The following CEP250 variants were observed in gnomAD, a reference collection of about 807,000 sequenced individuals.
The protein encoded by CEP250 is centrosomal protein 250.
Under a neutral mutation model 315.7 loss-of-function variants are expected in CEP250, and 242 were observed. The ratio of observed to expected loss-of-function variants is 0.77; its 90% confidence interval spans 0.69 to 0.85. CEP250 has a LOEUF of 0.85. Ranked by LOEUF, CEP250 falls within the 40% of genes least tolerant of loss-of-function variation. The probability of loss-of-function intolerance (pLI) is 0.00; values close to 1 mark genes in which losing one functional copy is unlikely to be tolerated. For missense variants in CEP250, 2,515 were observed against 2,886.4 expected, an observed-to-expected ratio of 0.87 and a Z score of 2.95; for synonymous variants, 1,088 against 1,175.0, an observed-to-expected ratio of 0.93 and a Z score of 1.51.
Position 35,504,507 on chromosome 20 carries a change from G to A in CEP250, c.6138G>A (p.Gln2046=). The part of the protein sequence containing the change: ...DVQQLQQALA[Q]RDEELRHQQE... ...AGCAGCTGCAGCAGGCACTTGCCCA[G>A]AGGGATGAAGAGCTGAGACATCAGC... Residue 2046 remains glutamine, a synonymous_variant, in exon 30 of 35, where the codon CAG becomes CAA. Transcript: ENST00000397527. The A allele has an allele frequency of 6.2e-7, 1 of 1,613,896 alleles. No individual in the cohort carries two copies. Among genetic ancestry groups the A allele is most frequent in the Non-Finnish European group, 8.5e-7 (1 of 1,179,890 alleles).
chr20:35,460,727 T>C (rs976003961), intron 3 of CEP250, among the ~76,000 whole-genome samples: 5 of 152,210 alleles, frequency 3.3e-5, no homozygotes, highest in Non-Finnish European at 7.3e-5. Flanking sequence ...GGCACCTAAT[T>C]TGAATTCTTA....
At position 35,503,281 on chromosome 20, in the gene CEP250, C is replaced by A; in HGVS notation, c.4912C>A (p.Gln1638Lys). Residue 1638 changes from glutamine (Q) to lysine (K), a missense_variant, in exon 30 of 35, where the codon CAG becomes AAG. By Grantham distance (53) the Gln-to-Lys change is moderately conservative (BLOSUM62 1). Coordinates refer to ENST00000397527, the MANE Select transcript of CEP250 (RefSeq NM_007186.6). The surrounding 1 kb of genome is among the most constrained non-coding windows in gnomAD (Gnocchi z 4.2). Reference protein sequence around the residue: ...RDQEVKSQREQIEELQRQKEH... With the variant: ...RDQEVKSQREKIEELQRQKEH... ...CCAGGAGGTGAAGTCTCAGCGAGAA[C>A]AGATCGAGGAGCTGCAGAGGCAGAA... 1 of 1,614,102 alleles carries A rather than the reference C, an allele frequency of 6.2e-7. No homozygotes were observed.
chr20:35,501,985 C>T lies in CEP250; in HGVS notation c.4020+19C>T. ...AGCCCAGGTAAAGTGGTACTGGTTT[C>T]AGGGAGGGGTTTGCCTCAGGAGTAG... On this transcript the variant is annotated intron_variant, in intron 29 of 34. Coordinates refer to ENST00000397527, the MANE Select transcript of CEP250 (RefSeq NM_007186.6). The T allele has an allele frequency of 6.2e-7, 1 of 1,607,888 alleles. No homozygotes were observed. Among genetic ancestry groups the T allele is most frequent in the South Asian group, 1.1e-5 (1 of 90,782 alleles).
intron 28 of CEP250, among the ~76,000 whole-genome samples, chr20:35,501,512 G>A (rs980362862): frequency 6.6e-6 from 1 of 152,102 alleles, no homozygotes; most frequent in Admixed American, 6.6e-5. Context: ...AGGACTGGGG[G>A]CTAGAAGGAA....
Position 35,503,419 on chromosome 20 carries a change from G to A in CEP250, c.5050G>A (p.Asp1684Asn). Residue 1684 changes from aspartate (D) to asparagine (N), a missense_variant, in exon 30 of 35, where the codon GAC becomes AAC. Asp to Asn is a conservative substitution (Grantham distance 23). Transcript: ENST00000397527. This position sits in a 1 kb window ranked among gnomAD's most constrained non-coding sequence, Gnocchi z 4.2. ...CCGGCAGACCAAGATCCTGGAGGAG[G>A]ACCTGGAACAGATCAAGCTGTCCTT... ...RTRQTKILEE[D>N]LEQIKLSLRE... 1.2e-6 allele frequency: 2 copies of A among 1,614,184 alleles called. No individual in the cohort carries two copies. Among genetic ancestry groups the A allele is most frequent in the Non-Finnish European group, 1.7e-6 (2 of 1,180,030 alleles).
chr20:35,479,101 A>G (rs1290554088), intron 17 of CEP250, 130 bp from the exon 18 acceptor site: 33 of 823,640 alleles, frequency 4.0e-5, no homozygotes, highest in Non-Finnish European at 6.1e-5. Flanking sequence ...GCCACGTGCT[A>G]TTGGGTAAGC....
rs1224997614 is a variant in CEP250 at position 35,504,963 on chromosome 20, A to G, written c.6594A>G (p.Gln2198=). Residue 2198 remains glutamine, a synonymous_variant, in exon 30 of 35, where the codon CAA becomes CAG. Coordinates refer to ENST00000397527, the MANE Select transcript of CEP250 (RefSeq NM_007186.6). ...SSLQEVAMFL[Q]ASVLERDSEQ... ...TGCAGGAGGTAGCCATGTTCCTACAAGCCTCTGTCCTGGAGCGGGACTCAG... is the reference window on the plus strand; with the variant it reads ...TGCAGGAGGTAGCCATGTTCCTACAGGCCTCTGTCCTGGAGCGGGACTCAG... 4 of 1,613,634 alleles carry G rather than the reference A, an allele frequency of 2.5e-6. No homozygotes were observed. The highest frequency in any genetic ancestry group is 2.7e-5 in the African/African-American group (2 of 74,922).
intron 18 of CEP250, 65 bp from the exon 19 acceptor site, chr20:35,479,581 C>T: frequency 3.1e-6 from 5 of 1,587,770 alleles, no homozygotes; most frequent in Non-Finnish European, 4.3e-6. Flanking sequence ...TAGAACCCAG[C>T]TCCTCTTGAG....
chr20:35,478,840 C>T (rs1453730378), intron 17 of CEP250, among the ~76,000 whole-genome samples: 3 of 152,206 alleles, frequency 2.0e-5, no homozygotes, highest in East Asian at 1.9e-4. Flanking sequence ...CAATGAATGA[C>T]CTGGCTCAAA....
intron 11 of CEP250, 73 bp from the exon 12 acceptor site, chr20:35,472,600 T>A: frequency 1.3e-6 from 2 of 1,489,606 alleles, no homozygotes; most frequent in Non-Finnish European, 1.9e-6. Context: ...TTGTCCAGGC[T>A]ATAGGGTTAA....
chr20:35,472,910 T>C, intron 12 of CEP250, 79 bp downstream of exon 12: 1 of 1,406,752 alleles, frequency 7.1e-7, no homozygotes, highest in Non-Finnish European at 9.9e-7. Flanking sequence ...CTCCCTAGCC[T>C]GGACTATCCC....
In CEP250 at chr20:35,463,555, G is replaced by A; in HGVS notation, c.187-20G>A. The A allele has an allele frequency of 6.3e-7, 1 of 1,599,176 alleles. No individual in the cohort carries two copies. The highest frequency in any genetic ancestry group is 1.7e-5 in the Admixed American group (1 of 57,816). On this transcript the variant is annotated intron_variant, in intron 4 of 34. Coordinates refer to ENST00000397527, the MANE Select transcript of CEP250 (RefSeq NM_007186.6). ...GTGCCAGCTGTGTTCATTGCCCAGG[G>A]CCTGTTCTTTTTGCTGCAGGTGCTG... is the stretch of plus-strand genomic sequence containing the variant.
Position 35,504,080 on chromosome 20 carries a change from T to A in CEP250, c.5711T>A (p.Leu1904Ter). 1.9e-6 allele frequency: 3 copies of A among 1,608,346 alleles called. No individual in the cohort carries two copies. Among genetic ancestry groups the A allele is most frequent in the Non-Finnish European group, 1.7e-6 (2 of 1,176,518 alleles). Residue 1904 changes from leucine (L) to a stop codon, truncating the protein, a stop_gained, in exon 30 of 35, where the codon TTG (leucine) becomes TAG (stop). Transcript: ENST00000397527. LOFTEE classifies it high-confidence loss of function. ...AESREQEKAL[L>*]ALQQQCAEQA... ...TCTCGGGAACAGGAGAAAGCTCTGT[T>A]GGCCCTCCAGCAGCAGTGTGCTGAG...
At chr20:35,457,509 G>A (rs1172066489) in intron 1 of CEP250, among the ~76,000 whole-genome samples, 4 of 151,896 alleles carry the variant, frequency 2.6e-5, no homozygotes, top group Admixed American at 2.0e-4. Context: ...GACTACAGGT[G>A]AATGCCACAC....
chr20:35,467,084 G>C lies in CEP250; in HGVS notation c.599+12G>C, dbSNP rs748997441. On this transcript the variant is annotated intron_variant, in intron 8 of 34. Transcript: ENST00000397527. ...TCAGCTACTGACAGGTCAGTGTGGGGAGAAGAAGGGAGGAGGTTTGCCCCT... is the reference window on the plus strand; with the variant it reads ...TCAGCTACTGACAGGTCAGTGTGGGCAGAAGAAGGGAGGAGGTTTGCCCCT... 3 of 1,553,702 alleles carry C rather than the reference G, an allele frequency of 1.9e-6. No homozygotes were observed. The African/African-American group carries it at 4.2e-5, about 22-fold the overall frequency.
At chr20:35,492,929 T>C (rs1601252569) in intron 22 of CEP250, among the ~76,000 whole-genome samples, 2 of 152,238 alleles carry the variant, frequency 1.3e-5, no homozygotes, top group East Asian at 3.9e-4. Flanking sequence ...GGTTTCACCA[T>C]GTTGGCCAGG....
At position 35,500,319 on chromosome 20, in the gene CEP250, A is replaced by G. The variant is rs1313411977; in HGVS notation, c.3898+150A>G. On this transcript the variant is annotated intron_variant, in intron 28 of 34. Transcript: ENST00000397527. ...ACTCTGTCACTCAGGTTTGAGTACA[A>G]TGTCACGACTTCGGCTCGCTGCAAC... 2.3e-5 allele frequency: 23 copies of G among 1,009,176 alleles called. No homozygotes were observed. In the East Asian group the frequency reaches 2.6e-4, roughly 11 times the overall value. The allele number at this position is 1,009,176 out of a possible 1,614,324, so 62.5% of individuals were successfully genotyped here. A position where few individuals can be genotyped will look rare whatever the true frequency, so the allele number is the denominator to read the frequency against.
At chr20:35,507,716 G>T (rs1022282827) in intron 30 of CEP250, 22 bp from the exon 31 acceptor site, 2 of 1,546,412 alleles carry the variant, frequency 1.3e-6, no homozygotes, top group African/African-American at 2.7e-5. Context: ...GTGTGATTTT[G>T]CTCCATACCT....
chr20:35,469,848 C>CCATGGGCTGTTCTGGTGA, intron 9 of CEP250, 42 bp from the exon 10 acceptor site: 1 of 1,377,548 alleles, frequency 7.3e-7, no homozygotes, highest in Non-Finnish European at 1.0e-6. Flanking sequence ...CTGTCCACAT[C>CCATGGGCTGTTCTGGTGA]CATGGGCTGT....
Sources: gnomAD v4.1 joint callset for allele counts (sites outside exome capture counted in the v4.1 genomes callset) on GRCh38, gnomAD v4.1.1 for gene constraint, Gnocchi (gnomAD v3.1) non-coding constraint, MANE v1.5 for transcripts, NCBI Gene and HGNC (gene_info 2026-07-23, HGNC 2026-07-21) for gene names.